The following WDR72 variants were observed in gnomAD, a reference collection of about 807,000 sequenced individuals.
WDR72 encodes the protein WD repeat domain 72.
A neutral mutation model predicts 124.2 loss-of-function variants in WDR72; 120 were observed. That is an observed-to-expected ratio of 0.97 (90% confidence interval 0.83 to 1.12). The LOEUF (loss-of-function observed/expected upper bound fraction) is 1.12, where lower values mean the gene tolerates loss of function less well. Ranked by LOEUF, WDR72 falls within the 50% of genes most tolerant of loss-of-function variation. WDR72 has a pLI of 0.00. For synonymous variants in WDR72, 452 were observed against 441.7 expected (o/e 1.02, Z -0.29); for missense variants, 1,387 against 1,278.8 (o/e 1.08, Z -1.29).
intron 13 of WDR72, chr15:53,684,130 G>T (rs1406215725): frequency 6.6e-6 from 1 of 152,116 alleles, no homozygotes; most frequent in Non-Finnish European, 1.5e-5. Flanking sequence ...AAACATTGCA[G>T]GTATAATAGA....
chr15:53,563,063 G>C (rs1223398074), intron 18 of WDR72, among the ~76,000 whole-genome samples: 1 of 151,760 alleles, frequency 6.6e-6, no homozygotes, highest in African/African-American at 2.4e-5. Flanking sequence ...TTAGTGCAAA[G>C]CTGACAATTT....
intron 6 of WDR72, among the ~76,000 whole-genome samples, chr15:53,713,689 C>T (rs1467738636): frequency 6.6e-6 from 1 of 152,070 alleles, no homozygotes; most frequent in African/African-American, 2.4e-5. Context: ...AACTCCTGAC[C>T]TCTGGTGATC....
intron 2 of WDR72, among the ~76,000 whole-genome samples, chr15:53,727,246 C>T (rs1243390847): frequency 7.9e-6 from 1 of 126,148 alleles, no homozygotes; most frequent in African/African-American, 3.5e-5. Flanking sequence ...AAAAAAAAGA[C>T]CAAAAATTGA....
intron 18 of WDR72, among the ~76,000 whole-genome samples, chr15:53,570,434 A>T (rs780105365): frequency 1.6e-4 from 24 of 152,236 alleles, no homozygotes; most frequent in Non-Finnish European, 3.5e-4. Flanking sequence ...AAAGGACATG[A>T]ACAGACACTT....
At chr15:53,754,064 GAAACAAAACA>G (rs753979939) in intron 1 of WDR72, among the ~76,000 whole-genome samples, 56 of 152,126 alleles carry the variant, frequency 3.7e-4, no homozygotes, top group Non-Finnish European at 6.6e-4. Flanking sequence ...TAAAGAAAAT[GAAACAAAACA>G]AAACAAAACA....
intron 18 of WDR72, among the ~76,000 whole-genome samples, chr15:53,596,491 A>G (rs2140338590): frequency 6.6e-6 from 1 of 152,280 alleles, no homozygotes; most frequent in Non-Finnish European, 1.5e-5. Flanking sequence ...TTTTTATATG[A>G]TACTTCTGTT....
chr15:53,692,670 T>A (rs1488548640), intron 13 of WDR72, among the ~76,000 whole-genome samples: 1 of 152,092 alleles, frequency 6.6e-6, no homozygotes, highest in African/African-American at 2.4e-5. Flanking sequence ...AAAGTTCATA[T>A]ACAACAGCAT....
At chr15:53,733,726 G>C (rs1282810969) in intron 1 of WDR72, among the ~76,000 whole-genome samples, 2 of 151,842 alleles carry the variant, frequency 1.3e-5, no homozygotes, top group Admixed American at 6.6e-5. Context: ...CTATTTTTAT[G>C]TTTGGTATCT....
chr15:53,667,456 T>C (rs2015819983), intron 13 of WDR72, among the ~76,000 whole-genome samples: 1 of 152,128 alleles, frequency 6.6e-6, no homozygotes, highest in Non-Finnish European at 1.5e-5. Context: ...ATATATCTTC[T>C]GAAGGATACA....
intron 1 of WDR72, among the ~76,000 whole-genome samples, chr15:53,754,347 T>C (rs2018846523): frequency 6.6e-6 from 1 of 152,108 alleles, no homozygotes; most frequent in Non-Finnish European, 1.5e-5. Flanking sequence ...CAATGCAGTT[T>C]ATGACATAAG....
At chr15:53,523,393 A>G (rs1891917752) in intron 18 of WDR72, 71 bp from the exon 19 acceptor site, 5 of 1,430,274 alleles carry the variant, frequency 3.5e-6, no homozygotes, top group Non-Finnish European at 4.9e-6. Flanking sequence ...AAACACCATT[A>G]AAACATTTCC....
chr15:53,706,079 A>G lies in WDR72; in HGVS notation c.955-5T>C, dbSNP rs768270480. The stretch of plus-strand genomic sequence containing the variant: ...AACAAAGGGACGGCTCTGTTCCTAA[A>G]CAAAAAGTGAGCTTTTATGTAGGAA... On this transcript the variant is annotated splice_region_variant and splice_polypyrimidine_tract_variant and intron_variant, in intron 9 of 19. Coordinates refer to ENST00000360509, the MANE Select transcript of WDR72 (RefSeq NM_182758.4). 7 of 1,613,864 alleles carry G rather than the reference A, an allele frequency of 4.3e-6. No homozygotes were observed. In the East Asian group the frequency reaches 1.3e-4, roughly 31 times the overall value.
intron 4 of WDR72, 22 bp from the exon 5 acceptor site, chr15:53,715,389 C>G: frequency 6.2e-7 from 1 of 1,613,714 alleles, no homozygotes; most frequent in Non-Finnish European, 8.5e-7. Flanking sequence ...GAAAGCAAAG[C>G]AAACATTTAA....
rs2140578616 is a variant in WDR72, at chr15:53,722,910, T to C, written c.154-2A>G. The C allele has an allele frequency of 1.2e-6, 2 of 1,612,842 alleles. No individual in the cohort carries two copies. Among genetic ancestry groups the C allele is most frequent in the East Asian group, 4.5e-5 (2 of 44,858 alleles). The stretch of plus-strand genomic sequence containing the variant: ...AAATAGGAGTTCTTTCGCTGAAATC[T>C]GAAAATAATGAGAGTGAGCTTTTAA... On this transcript the variant is annotated splice_acceptor_variant, in intron 2 of 19. Transcript: ENST00000360509. LOFTEE classifies it high-confidence loss of function.
intron 1 of WDR72, among the ~76,000 whole-genome samples, chr15:53,733,476 C>T (rs1372284888): frequency 1.3e-5 from 2 of 152,160 alleles, no homozygotes; most frequent in South Asian, 2.1e-4. Context: ...GCTGCAAAGT[C>T]CTGCTGGGCC....
At chr15:53,645,229 T>G (rs866905557) in intron 14 of WDR72, among the ~76,000 whole-genome samples, 1 of 152,152 alleles carries the variant, frequency 6.6e-6, no homozygotes, top group East Asian at 1.9e-4. Flanking sequence ...CACTCACTAT[T>G]TGAAGCAATC....
intron 13 of WDR72, among the ~76,000 whole-genome samples, chr15:53,671,584 A>T (rs1235247525): frequency 6.6e-6 from 1 of 152,218 alleles, no homozygotes; most frequent in East Asian, 1.9e-4. Context: ...GCTATAAAGC[A>T]TCAGAGCATA....
chr15:53,580,452 T>C (rs1430594122), intron 18 of WDR72, among the ~76,000 whole-genome samples: 1 of 151,990 alleles, frequency 6.6e-6, no homozygotes, highest in Non-Finnish European at 1.5e-5. Flanking sequence ...ATGATCTCAG[T>C]GTAATAGCCA....
chr15:53,636,096 T>C (rs1252819204), intron 14 of WDR72, among the ~76,000 whole-genome samples: 1 of 152,222 alleles, frequency 6.6e-6, no homozygotes, highest in Non-Finnish European at 1.5e-5. Context: ...TTTTATGCTA[T>C]ACTATTTCTT....
Sources: gnomAD v4.1 joint callset for allele counts (sites outside exome capture counted in the v4.1 genomes callset) on GRCh38, gnomAD v4.1.1 for gene constraint, MANE v1.5 for transcripts, NCBI Gene and HGNC (gene_info 2026-07-23, HGNC 2026-07-21) for gene names.